The following EBF2 variants were observed in gnomAD, a reference collection of about 807,000 sequenced individuals.
EBF2 encodes the protein transcription factor COE2.
Under a neutral mutation model 72.8 loss-of-function variants are expected in EBF2, and 21 were observed. The ratio of observed to expected loss-of-function variants is 0.29; its 90% CI spans 0.20 to 0.42. The LOEUF (loss-of-function observed/expected upper bound fraction) is 0.42, where lower values mean the gene tolerates loss of function less well. Among genes scored for constraint, EBF2 ranks in the 10% least tolerant of loss-of-function variants. The pLI is 1.00. For synonymous variants in EBF2, 299 were observed against 274.2 expected (o/e 1.09, Z -0.89); for missense variants, 637 against 731.2 (o/e 0.87, Z 1.49).
Position 25,921,520 on chromosome 8 carries a change from C to A in EBF2, c.552-12965G>T, listed in dbSNP as rs1434589744. The stretch of plus-strand genomic sequence containing the variant: ...GTACAAGATTCCAGGAATCAGGAAT[C>A]AGTTATTTGTTCTTTTTGTCATTCA... On this transcript the variant is annotated intron_variant, in intron 6 of 15. Coordinates refer to ENST00000520164, the MANE Select transcript of EBF2 (RefSeq NM_022659.4). 2.0e-5 allele frequency among the ~76,000 whole-genome samples: 3 copies of A among 152,286 alleles called. No individual in the cohort carries two copies. The East Asian group carries it at 5.8e-4, about 29-fold the overall frequency.
intron 7 of EBF2, among the ~76,000 whole-genome samples, chr8:25,905,275 T>G (rs1266546490): frequency 1.3e-5 from 2 of 152,152 alleles, no homozygotes; most frequent in Admixed American, 6.5e-5. Context: ...GGAAAACAGT[T>G]TGGCAGTTCC....
intron 5 of EBF2, 68 bp from the exon 6 acceptor site, chr8:26,033,221 A>G (rs376105352): frequency 1.3e-6 from 2 of 1,491,416 alleles, no homozygotes; most frequent in Non-Finnish European, 1.9e-6. Context: ...TGAGCACATG[A>G]CAAGAACATT....
chr8:25,852,700 C>T (rs80000913), intron 14 of EBF2, among the ~76,000 whole-genome samples: 2,401 of 152,198 alleles, frequency 0.016, 47 homozygotes, highest in African/African-American at 0.042. Flanking sequence ...AGTACATGCC[C>T]GTTTTAAATA....
At chr8:26,008,372 A>C (rs1163736447) in intron 6 of EBF2, among the ~76,000 whole-genome samples, 1 of 152,208 alleles carries the variant, frequency 6.6e-6, no homozygotes, top group Non-Finnish European at 1.5e-5. Context: ...CACTGTGAGA[A>C]GCCTCAGCTG....
At chr8:25,948,708 C>A (rs555413041) in intron 6 of EBF2, among the ~76,000 whole-genome samples, 13 of 152,272 alleles carry the variant, frequency 8.5e-5, no homozygotes, top group African/African-American at 3.1e-4. Flanking sequence ...TCCTTGAGCC[C>A]CTGAACACAA....
chr8:25,959,813 T>C (rs1804008418), intron 6 of EBF2, among the ~76,000 whole-genome samples: 1 of 152,142 alleles, frequency 6.6e-6, no homozygotes, highest in Admixed American at 6.5e-5. Flanking sequence ...TGGAAGGGCT[T>C]ACAGTCAGGA....
chr8:25,997,757 C>T (rs760462279), intron 6 of EBF2, among the ~76,000 whole-genome samples: 7 of 152,060 alleles, frequency 4.6e-5, no homozygotes, highest in African/African-American at 7.2e-5. Flanking sequence ...AGTGGATATA[C>T]AAGGCTCAGT....
chr8:25,941,679 C>T (rs1052798618), intron 6 of EBF2, among the ~76,000 whole-genome samples: 9 of 152,122 alleles, frequency 5.9e-5, no homozygotes, highest in East Asian at 1.9e-4. Context: ...GTGAAAGACA[C>T]GCAGACTGAC....
At chr8:25,850,368 C>T (rs1369463573) in intron 15 of EBF2, among the ~76,000 whole-genome samples, 2 of 152,192 alleles carry the variant, frequency 1.3e-5, no homozygotes, top group African/African-American at 4.8e-5. Context: ...CCTGCCTTGG[C>T]CTCCCGAAGT....
intron 14 of EBF2, among the ~76,000 whole-genome samples, chr8:25,853,267 C>T (rs927377744): frequency 6.6e-6 from 1 of 151,770 alleles, no homozygotes; most frequent in Admixed American, 6.6e-5. Flanking sequence ...AGGCAAATGA[C>T]AGATTAAGAA....
rs1801749249 is a variant in EBF2, at chr8:25,841,817, T to A, written c.*2792A>T. 6.6e-6 allele frequency: 1 copy of A among 151,902 alleles called. No individual in the cohort carries two copies. The highest frequency in any genetic ancestry group is 1.5e-5 in the Non-Finnish European group (1 of 68,026). The allele number at this position is 151,902 out of a possible 1,614,324, so 9.4% of individuals were successfully genotyped here. A position where few individuals can be genotyped will look rare whatever the true frequency, so the allele number is the denominator to read the frequency against. On this transcript the variant is annotated 3_prime_UTR_variant, in exon 16 of 16. Transcript: ENST00000520164. ...TTCATTTTACAAACAAGATATTCTT[T>A]AAGTAAGACCATTAAAAACAGTAAA...
Position 26,042,045 on chromosome 8 carries a change from G to A in EBF2, c.288+50C>T, listed in dbSNP as rs372341838. 4.4e-6 allele frequency: 7 copies of A among 1,594,866 alleles called. No homozygotes were observed. The Middle Eastern group carries it at 5.1e-4, about 115-fold the overall frequency. On this transcript the variant is annotated intron_variant, in intron 2 of 15. Transcript: ENST00000520164. ...TGACAGATGGAATCTTTAGTGCTTCGCAAGAGGGAGTTATTAGGCCGCGGG... is the reference window on the plus strand; with the variant it reads ...TGACAGATGGAATCTTTAGTGCTTCACAAGAGGGAGTTATTAGGCCGCGGG...
intron 7 of EBF2, among the ~76,000 whole-genome samples, chr8:25,891,063 T>G (rs1013563389): frequency 6.6e-6 from 1 of 152,190 alleles, no homozygotes; most frequent in African/African-American, 2.4e-5. Flanking sequence ...AGGAGGCAGA[T>G]AGGAAATAGG....
At chr8:25,944,646 A>G (rs1803734724) in intron 6 of EBF2, among the ~76,000 whole-genome samples, 1 of 148,072 alleles carries the variant, frequency 6.8e-6, no homozygotes, top group African/African-American at 2.5e-5. Flanking sequence ...ATAATTATAT[A>G]TGATATTAAC....
At chr8:25,886,719 G>C in intron 10 of EBF2, 36 bp downstream of exon 10, 12 of 1,587,398 alleles carry the variant, frequency 7.6e-6, no homozygotes, top group Non-Finnish European at 1.0e-5. Flanking sequence ...AGGCAAACCA[G>C]AAGCCAGCCT....
At chr8:26,027,306 C>T (rs1295644823) in intron 6 of EBF2, among the ~76,000 whole-genome samples, 2 of 151,970 alleles carry the variant, frequency 1.3e-5, no homozygotes, top group Admixed American at 1.3e-4. Context: ...TTCAGTAGAA[C>T]AAGTTACTTC....
chr8:25,924,054 C>T (rs1216928240), intron 6 of EBF2, among the ~76,000 whole-genome samples: 1 of 152,068 alleles, frequency 6.6e-6, no homozygotes, highest in East Asian at 1.9e-4. Context: ...GGCAGTGTGA[C>T]CTAGAGGATA....
intron 5 of EBF2, among the ~76,000 whole-genome samples, chr8:26,038,790 A>G (rs959033761): frequency 6.6e-6 from 1 of 152,236 alleles, no homozygotes; most frequent in African/African-American, 2.4e-5. Context: ...TGGCATTTGG[A>G]AAGTTTGTTT....
chr8:25,852,018 T>C (rs939843843), intron 14 of EBF2, among the ~76,000 whole-genome samples: 1 of 152,170 alleles, frequency 6.6e-6, no homozygotes, highest in Non-Finnish European at 1.5e-5. Flanking sequence ...TCCAAAGACT[T>C]CAAAAGAAGA....
Sources: allele counts gnomAD v4.1 joint callset (sites outside exome capture counted in the v4.1 genomes callset), GRCh38; gene constraint gnomAD v4.1.1; transcripts MANE v1.5; gene names NCBI Gene and HGNC (gene_info 2026-07-23, HGNC 2026-07-21).